Variants in TSHZ2 observed in about 807,000 individuals in gnomAD.
The protein encoded by TSHZ2 is teashirt homolog 2.
A neutral mutation model predicts 74.4 loss-of-function variants in TSHZ2; 21 were observed. The ratio of observed to expected loss-of-function variants is 0.28; its 90% CI spans 0.20 to 0.41. The LOEUF (loss-of-function observed/expected upper bound fraction) is 0.41, where lower values mean the gene tolerates loss of function less well. Among genes scored for constraint, TSHZ2 ranks in the 10% least tolerant of loss-of-function variants. The pLI is 1.00. For synonymous variants in TSHZ2, 540 were observed against 515.3 expected (o/e 1.05, Z -0.65); for missense variants, 1,244 against 1,293.5 (o/e 0.96, Z 0.59).
At chr20:53,381,870 G>T (rs1981870980) in intron 2 of TSHZ2, among the ~76,000 whole-genome samples, 1 of 152,122 alleles carries the variant, frequency 6.6e-6, no homozygotes, top group Admixed American at 6.5e-5. Flanking sequence ...AAATCCACAG[G>T]GTTACCTGCT....
At position 53,488,115 on chromosome 20, in the gene TSHZ2, G is replaced by T. The variant is rs1452441389; in HGVS notation, c.*980G>T. On this transcript the variant is annotated 3_prime_UTR_variant, in exon 3 of 3. Coordinates refer to ENST00000371497, the MANE Select transcript of TSHZ2 (RefSeq NM_173485.6). ...TAGCTTTAGAAGCAACAGAAAGCATGAAATAGGGTGTCCATTTTAAATGTG... is the reference window on the plus strand; with the variant it reads ...TAGCTTTAGAAGCAACAGAAAGCATTAAATAGGGTGTCCATTTTAAATGTG... 1.3e-5 allele frequency: 2 copies of T among 152,186 alleles called. No individual in the cohort carries two copies. The highest frequency in any genetic ancestry group is 1.3e-4 in the Admixed American group (2 of 15,282). The allele number at this position is 152,186 out of a possible 1,614,324, so 9.4% of individuals were successfully genotyped here.
intron 1 of TSHZ2, among the ~76,000 whole-genome samples, chr20:53,182,283 C>T (rs575610657): frequency 4.2e-5 from 6 of 141,214 alleles, no homozygotes; most frequent in South Asian, 2.5e-4. Context: ...CTCCCTCCTC[C>T]GTCCCTGCCT....
chr20:53,254,141 TC>T lies in TSHZ2; in HGVS notation c.684del (p.Glu229SerfsTer2). ...TGCAGCGCGGCCTATGACACCCTAG[TC>T]GAGCTGACTGTGCACATGAATGAAA... ...RQCSAAYDTLVELTVHMNETG... is the reference protein window; with the variant it reads ...RQCSAAYDTLXELTVHMNETG... On this transcript the variant is annotated frameshift_variant, in exon 2 of 3. Transcript: ENST00000371497. LOFTEE classifies it high-confidence loss of function. 6.2e-7 allele frequency: 1 copy of T among 1,613,966 alleles called. No individual in the cohort carries two copies. Among genetic ancestry groups the T allele is most frequent in the Non-Finnish European group, 8.5e-7 (1 of 1,179,992 alleles).
chr20:53,396,449 C>CA (rs1227948610), intron 2 of TSHZ2, among the ~76,000 whole-genome samples: 8 of 152,206 alleles, frequency 5.3e-5, no homozygotes, highest in Admixed American at 3.3e-4. Flanking sequence ...GTCACACCAT[C>CA]AAAAAATGAA....
At chr20:53,475,816 A>G (rs1985975671) in intron 2 of TSHZ2, among the ~76,000 whole-genome samples, 1 of 139,220 alleles carries the variant, frequency 7.2e-6, no homozygotes, top group Non-Finnish European at 1.5e-5. Context: ...ATAAAAAATG[A>G]CAAAGGGGAT....
intron 2 of TSHZ2, among the ~76,000 whole-genome samples, chr20:53,308,170 T>G (rs746811886): frequency 2.6e-5 from 4 of 152,240 alleles, no homozygotes; most frequent in Non-Finnish European, 5.9e-5. Flanking sequence ...TAGACATGTG[T>G]ACTGGGGAGT....
At chr20:53,358,775 G>A (rs1200390257) in intron 2 of TSHZ2, among the ~76,000 whole-genome samples, 2 of 152,172 alleles carry the variant, frequency 1.3e-5, no homozygotes, top group Non-Finnish European at 1.5e-5. Flanking sequence ...TCATCCGTTA[G>A]GGTTTTTTAA....
chr20:53,345,290 C>T (rs976880232), intron 2 of TSHZ2, among the ~76,000 whole-genome samples: 4 of 151,928 alleles, frequency 2.6e-5, no homozygotes, highest in African/African-American at 9.7e-5. Context: ...AGAAAATTCT[C>T]TCACAAGGCA....
At chr20:53,412,002 TTTTCTTTC>T (rs947586434) in intron 2 of TSHZ2, among the ~76,000 whole-genome samples, 4 of 152,172 alleles carry the variant, frequency 2.6e-5, no homozygotes, top group African/African-American at 9.7e-5. Flanking sequence ...CAAAGCATCA[TTTTCTTTC>T]TTTCTTTCTT....
At chr20:53,208,963 G>A (rs370472441) in intron 1 of TSHZ2, among the ~76,000 whole-genome samples, 22 of 152,322 alleles carry the variant, frequency 1.4e-4, no homozygotes, top group African/African-American at 5.1e-4. Flanking sequence ...TTTCCTAAGA[G>A]CTTTGCCTCT....
At chr20:53,476,401 A>G (rs1372722525) in intron 2 of TSHZ2, among the ~76,000 whole-genome samples, 2 of 151,926 alleles carry the variant, frequency 1.3e-5, no homozygotes, top group Non-Finnish European at 2.9e-5. Context: ...AGAGCCAAAG[A>G]CAAAAACCAC....
At chr20:53,157,433 A>G (rs1349656135) in intron 1 of TSHZ2, among the ~76,000 whole-genome samples, 2 of 140,296 alleles carry the variant, frequency 1.4e-5, no homozygotes. Context: ...TAGAGACAGG[A>G]TCTTGCTCTG....
intron 2 of TSHZ2, among the ~76,000 whole-genome samples, chr20:53,364,141 AG>A (rs1432490745): frequency 2.0e-5 from 3 of 152,110 alleles, no homozygotes; most frequent in African/African-American, 7.2e-5. Context: ...CTCAGCATTA[AG>A]GTCGAGGGTT....
intron 2 of TSHZ2, among the ~76,000 whole-genome samples, chr20:53,439,625 CT>C (rs372152687): frequency 2.6e-5 from 4 of 151,704 alleles, no homozygotes; most frequent in South Asian, 2.1e-4. Flanking sequence ...AATAGCCTAG[CT>C]TTTTTTTTCC....
At chr20:53,296,825 G>A (rs1991389487) in intron 2 of TSHZ2, among the ~76,000 whole-genome samples, 2 of 152,326 alleles carry the variant, frequency 1.3e-5, no homozygotes, top group African/African-American at 2.4e-5. Context: ...CAAGCAAAGA[G>A]ACTGAGATGA....
chr20:53,351,087 T>A (rs144350607), intron 2 of TSHZ2, among the ~76,000 whole-genome samples: 1 of 152,322 alleles, frequency 6.6e-6, no homozygotes, highest in East Asian at 1.9e-4. Flanking sequence ...TTGCAATTCG[T>A]TAGGAAGAAG....
At chr20:53,305,275 A>ATAT (rs1206899195) in intron 2 of TSHZ2, among the ~76,000 whole-genome samples, 2 of 152,084 alleles carry the variant, frequency 1.3e-5, no homozygotes, top group Non-Finnish European at 2.9e-5. Flanking sequence ...CACCTCGTGG[A>ATAT]TATTATTCTT....
chr20:53,401,815 CTCTGT>C (rs1982675357), intron 2 of TSHZ2, among the ~76,000 whole-genome samples: 1 of 120,016 alleles, frequency 8.3e-6, no homozygotes, highest in Non-Finnish European at 1.6e-5. Context: ...CAGAGTCTTG[CTCTGT>C]TGCCGAGGCT....
intron 1 of TSHZ2, among the ~76,000 whole-genome samples, chr20:52,993,567 A>G (rs1453738569): frequency 6.6e-6 from 1 of 152,248 alleles, no homozygotes; most frequent in Non-Finnish European, 1.5e-5. Context: ...AAATAAAAAT[A>G]AGCAGGAACG....
Sources: allele counts gnomAD v4.1 joint callset (sites outside exome capture counted in the v4.1 genomes callset), GRCh38; gene constraint gnomAD v4.1.1; transcripts MANE v1.5; gene names NCBI Gene and HGNC (gene_info 2026-07-23, HGNC 2026-07-21).